The following GALNS variants were observed in gnomAD, a reference collection of about 807,000 sequenced individuals.
GALNS encodes N-acetylgalactosamine-6-sulfatase.
Under a neutral mutation model 65.9 loss-of-function variants are expected in GALNS, and 65 were observed. The observed-to-expected ratio is 0.99, with a 90% confidence interval of 0.81 to 1.21. The LOEUF is 1.21. Ranked by LOEUF, GALNS falls within the 50% of genes most tolerant of loss-of-function variation. The pLI is 0.00. For missense variants in GALNS, 776 were observed against 700.7 expected (o/e 1.11, Z -1.21); for synonymous variants, 346 against 288.9 (o/e 1.20, Z -2.00).
At chr16:88,835,962 C>G in intron 6 of GALNS, 113 bp from the exon 7 acceptor site, 1 of 1,513,834 alleles carries the variant, frequency 6.6e-7, no homozygotes, top group Admixed American at 1.7e-5. Flanking sequence ...TCCCCGTCCC[C>G]ACGCGTCCCA....
At chr16:88,842,253 G>C (rs1208550158) in intron 2 of GALNS, 2 of 574,400 alleles carry the variant, frequency 3.5e-6, no homozygotes, top group Non-Finnish European at 6.3e-6. Context: ...CACTGGGCGT[G>C]CAGGTCCACA....
intron 12 of GALNS, among the ~76,000 whole-genome samples, chr16:88,818,534 T>C (rs1455601514): frequency 6.6e-6 from 1 of 151,454 alleles, no homozygotes; most frequent in African/African-American, 2.5e-5. Flanking sequence ...CGTCATCCCA[T>C]TGCCAAAAAG....
intron 11 of GALNS, 69 bp downstream of exon 11, chr16:88,824,698 G>T: frequency 7.6e-7 from 1 of 1,319,324 alleles, no homozygotes; most frequent in Non-Finnish European, 1.1e-6. Context: ...CCCCAGGACG[G>T]TGCTCAGGGG....
intron 1 of GALNS, chr16:88,855,481 C>T (rs754469904): frequency 1.3e-5 from 9 of 702,666 alleles, no homozygotes; most frequent in Admixed American, 2.0e-5. Flanking sequence ...TGTCAGGACA[C>T]GGACCCCTGG....
chr16:88,825,307 G>A (rs1214891733), intron 10 of GALNS, among the ~76,000 whole-genome samples: 4 of 125,286 alleles, frequency 3.2e-5, no homozygotes, highest in Admixed American at 2.2e-4. Flanking sequence ...CTGGGTGGCC[G>A]GGGCGACTGG....
rs1214180283 is a variant in GALNS at position 88,815,868 on chromosome 16, C to A, written c.1483-1343G>T. The A allele has an allele frequency of 3.0e-6, 3 of 985,316 alleles. No homozygotes were observed. In the South Asian group the frequency reaches 1.4e-4, roughly 46 times the overall value. The allele number at this position is 985,316 out of a possible 1,614,324, so 61.0% of individuals were successfully genotyped here. On this transcript the variant is annotated intron_variant, in intron 13 of 13. Coordinates refer to ENST00000268695, the MANE Select transcript of GALNS (RefSeq NM_000512.5). The stretch of plus-strand genomic sequence containing the variant: ...GTGTGTTTGAGTCTGGATGGGGGAT[C>A]TGCATTTCTCAAAGGCCGCTCAGCT...
chr16:88,825,141 C>T (rs1349748752), intron 10 of GALNS, among the ~76,000 whole-genome samples: 57 of 104,412 alleles, frequency 5.5e-4, no homozygotes, highest in African/African-American at 2.1e-3. Flanking sequence ...TCTGGGCGGC[C>T]GGGGCTGGGG....
rs1269110043 is a variant in GALNS, at chr16:88,832,025, C to A, written c.975G>T (p.Trp325Cys). ...GGCCTGCAGTGACGTGCCCTGGCCACCATGCGAGGGCAGGCTCCCTCATCC... is the reference window on the plus strand; with the variant it reads ...GGCCTGCAGTGACGTGCCCTGGCCAACATGCGAGGGCAGGCTCCCTCATCC... Reference protein sequence around the residue: ...EGGMREPALAWWPGHVTAGQV... With the variant: ...EGGMREPALACWPGHVTAGQV... Residue 325 changes from tryptophan to cysteine, a missense_variant, in exon 9 of 14, where the codon TGG becomes TGT. Coordinates refer to ENST00000268695, the MANE Select transcript of GALNS (RefSeq NM_000512.5). 1 of 1,613,778 alleles carries A rather than the reference C, an allele frequency of 6.2e-7. No individual in the cohort carries two copies. The highest frequency in any genetic ancestry group is 8.5e-7 in the Non-Finnish European group (1 of 1,179,890).
chr16:88,816,652 T>C, intron 13 of GALNS: 2 of 985,196 alleles, frequency 2.0e-6, no homozygotes, highest in Non-Finnish European at 2.4e-6. Context: ...GTGCTCCCGA[T>C]GGCCGGTGCT....
At chr16:88,825,452 G>A (rs1910771151) in intron 10 of GALNS, among the ~76,000 whole-genome samples, 1 of 144,086 alleles carries the variant, frequency 6.9e-6, no homozygotes, top group Admixed American at 6.7e-5. Flanking sequence ...GAGTGCCTGG[G>A]CGGCCAGGGC....
intron 1 of GALNS, among the ~76,000 whole-genome samples, chr16:88,848,571 G>GAAA (rs60527229): frequency 0.018 from 2,395 of 135,796 alleles, 34 homozygotes; most frequent in Non-Finnish European, 0.024. Flanking sequence ...GACTCCGTCT[G>GAAA]AAAAAAAAAA....
At chr16:88,816,121 T>G (rs1260754844) in intron 13 of GALNS, 1 of 984,108 alleles carries the variant, frequency 1.0e-6, no homozygotes, top group Non-Finnish European at 1.2e-6. Flanking sequence ...CAGGTCTGAG[T>G]TGGCACTTTT....
intron 12 of GALNS, among the ~76,000 whole-genome samples, chr16:88,819,275 C>T (rs533743547): frequency 2.7e-5 from 4 of 149,778 alleles, no homozygotes; most frequent in Non-Finnish European, 5.9e-5. Context: ...CATCAGAGGG[C>T]GACCTTCAGG....
intron 9 of GALNS, among the ~76,000 whole-genome samples, chr16:88,830,230 CAAAAAAAAAAAAAAAA>C (rs758855583): frequency 3.6e-4 from 5 of 13,990 alleles, no homozygotes; most frequent in Non-Finnish European, 7.5e-4. Context: ...GACTTCATCT[CAAAAAAAAAAAAAAAA>C]AAAAAAAAAA....
rs763271465 is a variant in GALNS, at chr16:88,841,975, T to C, written c.245-4A>G. The C allele has an allele frequency of 2.5e-6, 4 of 1,610,920 alleles. No homozygotes were observed. The highest frequency in any genetic ancestry group is 2.5e-6 in the Non-Finnish European group (3 of 1,178,596). ...CCTGTGAGCAGTGCCGCCCTCGCTA[T>C]GTGGAGGTGACAGAAACAGAAACTG... On this transcript the variant is annotated splice_polypyrimidine_tract_variant and splice_region_variant and intron_variant, in intron 2 of 13. Coordinates refer to ENST00000268695, the MANE Select transcript of GALNS (RefSeq NM_000512.5).
intron 12 of GALNS, among the ~76,000 whole-genome samples, chr16:88,819,815 T>A (rs112666517): frequency 0.051 from 7,816 of 152,056 alleles, 249 homozygotes; most frequent in Middle Eastern, 0.16. Flanking sequence ...TGCCTCAGCC[T>A]CCTGAGTAGC....
At chr16:88,817,402 T>A in intron 13 of GALNS, 1 of 985,414 alleles carries the variant, frequency 1.0e-6, no homozygotes, top group Non-Finnish European at 1.2e-6. Context: ...ACGGAGGTGC[T>A]GCTCTGGGTG....
chr16:88,853,584 G>A (rs1357004875), intron 1 of GALNS, among the ~76,000 whole-genome samples: 1 of 152,218 alleles, frequency 6.6e-6, no homozygotes, highest in African/African-American at 2.4e-5. Flanking sequence ...CAAATAAGGA[G>A]TGGAGACACA....
Position 88,841,097 on chromosome 16 carries a change from G to C in GALNS, c.320-3C>G. The C allele has an allele frequency of 6.2e-7, 1 of 1,612,130 alleles. No homozygotes were observed. Among genetic ancestry groups the C allele is most frequent in the South Asian group, 1.1e-5 (1 of 91,072 alleles). On this transcript the variant is annotated splice_region_variant and splice_polypyrimidine_tract_variant and intron_variant, in intron 3 of 13. Transcript: ENST00000268695. The stretch of plus-strand genomic sequence containing the variant: ...CACAATCTCCTGCGGTGTGTAGGCT[G>C]GAAGAGCAGCGCTGGGTGAGCCCCG...
Sources: allele counts gnomAD v4.1 joint callset (sites outside exome capture counted in the v4.1 genomes callset), GRCh38; gene constraint gnomAD v4.1.1; transcripts MANE v1.5; gene names NCBI Gene and HGNC (gene_info 2026-07-23, HGNC 2026-07-21).